The following TYW1 variants were observed in gnomAD, a reference collection of about 807,000 sequenced individuals.
TYW1 encodes the protein S-adenosyl-L-methionine-dependent tRNA 4-demethylwyosine synthase TYW1.
TYW1 carries 46 observed loss-of-function variants against 96.2 expected under a neutral mutation model. The observed-to-expected ratio is 0.48, with a 90% CI of 0.38 to 0.61. The LOEUF (loss-of-function observed/expected upper bound fraction) is 0.61, where lower values mean the gene tolerates loss of function less well. Ranked by LOEUF, TYW1 falls within the 20% of genes least tolerant of loss-of-function variation. The pLI is 0.00. For missense variants in TYW1, 684 were observed against 909.6 expected, an observed-to-expected ratio of 0.75 and a Z score of 3.19; for synonymous variants, 274 against 323.0, an observed-to-expected ratio of 0.85 and a Z score of 1.63.
chr7:67,009,773 T>C, intron 4 of TYW1, 89 bp downstream of exon 4: 1 of 1,151,020 alleles, frequency 8.7e-7, no homozygotes, highest in Non-Finnish European at 1.2e-6. Context: ...AACTAGAATC[T>C]TCAGAATAAA....
intron 10 of TYW1, among the ~76,000 whole-genome samples, chr7:67,072,891 T>G (rs1796071433): frequency 2.0e-5 from 3 of 150,950 alleles, no homozygotes. Flanking sequence ...TCTCAGCCAC[T>G]TGAGTAACTC....
At chr7:67,134,860 C>A (rs1204909651) in intron 13 of TYW1, among the ~76,000 whole-genome samples, 3 of 145,498 alleles carry the variant, frequency 2.1e-5, no homozygotes, top group African/African-American at 7.7e-5. Context: ...GTAATCCCAG[C>A]ACTTTGGGAG....
chr7:67,093,775 G>C (rs989409468), intron 11 of TYW1, among the ~76,000 whole-genome samples: 4 of 152,044 alleles, frequency 2.6e-5, no homozygotes, highest in Admixed American at 1.3e-4. Context: ...GACATCACCT[G>C]TCATGCTTAG....
chr7:67,234,179 T>G (rs1234976805), intron 15 of TYW1, among the ~76,000 whole-genome samples: 1 of 133,378 alleles, frequency 7.5e-6, no homozygotes, highest in Non-Finnish European at 1.6e-5. Flanking sequence ...AGACCCTTTC[T>G]CTACAGAAAA....
chr7:67,138,826 A>G (rs542097040), intron 13 of TYW1, among the ~76,000 whole-genome samples: 1 of 152,164 alleles, frequency 6.6e-6, no homozygotes, highest in South Asian at 2.1e-4. Flanking sequence ...TTTATGGGTG[A>G]ATAGTACTCC....
At chr7:67,158,868 C>T (rs1329823741) in intron 13 of TYW1, among the ~76,000 whole-genome samples, 1 of 152,108 alleles carries the variant, frequency 6.6e-6, no homozygotes. Flanking sequence ...ACTGCACCCG[C>T]CCTCTTTTCA....
At chr7:67,010,579 C>T (rs1357396373) in intron 4 of TYW1, among the ~76,000 whole-genome samples, 5 of 151,488 alleles carry the variant, frequency 3.3e-5, no homozygotes, top group African/African-American at 1.2e-4. Flanking sequence ...GGGTTCACGC[C>T]ATTCTCCTGC....
At chr7:67,214,905 T>C (rs1213819077) in intron 15 of TYW1, among the ~76,000 whole-genome samples, 1 of 151,822 alleles carries the variant, frequency 6.6e-6, no homozygotes. Flanking sequence ...TTTGATTTGC[T>C]AACATTTTAT....
chr7:67,016,980 ATTTT>A (rs35358824), intron 5 of TYW1, among the ~76,000 whole-genome samples: 2 of 121,762 alleles, frequency 1.6e-5, no homozygotes, highest in African/African-American at 6.3e-5. Context: ...AGATATGTAA[ATTTT>A]TTTTTTTTTT....
intron 12 of TYW1, among the ~76,000 whole-genome samples, chr7:67,100,908 A>G (rs1214254652): frequency 6.6e-6 from 1 of 151,482 alleles, no homozygotes; most frequent in Non-Finnish European, 1.5e-5. Flanking sequence ...AGGGCTGCTT[A>G]ACAGTTAACA....
intron 6 of TYW1, among the ~76,000 whole-genome samples, chr7:67,022,690 G>A (rs1200142803): frequency 6.6e-6 from 1 of 152,202 alleles, no homozygotes; most frequent in Non-Finnish European, 1.5e-5. Flanking sequence ...TGGGCATGAG[G>A]CTGGGATATC....
intron 14 of TYW1, among the ~76,000 whole-genome samples, chr7:67,183,550 G>A (rs1442846203): frequency 6.6e-6 from 1 of 152,178 alleles, no homozygotes; most frequent in African/African-American, 2.4e-5. Context: ...GTGTGGTGGT[G>A]AGTAATTGGT....
intron 15 of TYW1, among the ~76,000 whole-genome samples, chr7:67,235,249 A>G (rs1451192740): frequency 1.3e-5 from 2 of 152,190 alleles, no homozygotes; most frequent in South Asian, 2.1e-4. Context: ...GTACTCCCCA[A>G]GTGCCTTGTA....
intron 13 of TYW1, among the ~76,000 whole-genome samples, chr7:67,119,119 CTCCTTCCT>C (rs10591832): frequency 1.3e-5 from 2 of 149,994 alleles, no homozygotes; most frequent in East Asian, 2.0e-4. Flanking sequence ...TCCATTAATC[CTCCTTCCT>C]TCCTTCCTTC....
At chr7:67,202,987 G>A (rs997593181) in intron 15 of TYW1, among the ~76,000 whole-genome samples, 6 of 152,190 alleles carry the variant, frequency 3.9e-5, no homozygotes, top group Admixed American at 1.3e-4. Context: ...ACCTTATTCA[G>A]ATTTCACCAA....
rs201692947 is a variant in TYW1 at position 67,044,111 on chromosome 7, G to GTTT, written c.985-5821_985-5819dup. ...CATGTATAATTAAGCATGAATAAGA[G>GTTT]TTTTTTTTTTTTTTTTTTTGAGATG... On this transcript the variant is annotated intron_variant, in intron 7 of 15. Coordinates refer to ENST00000359626, the MANE Select transcript of TYW1 (RefSeq NM_018264.4). Among the ~76,000 whole-genome samples, 27 of 124,596 alleles carry GTTT rather than the reference G, an allele frequency of 2.2e-4. 1 individual carries two copies. Among genetic ancestry groups the GTTT allele is most frequent in the Non-Finnish European group, 3.5e-4 (21 of 59,624 alleles). 81.7% of individuals were successfully genotyped at this position (124,596 alleles called of 152,430 possible). A position where few individuals can be genotyped will look rare whatever the true frequency, so the allele number is the denominator to read the frequency against.
At chr7:67,175,388 C>G (rs1247641525) in intron 13 of TYW1, among the ~76,000 whole-genome samples, 2 of 152,108 alleles carry the variant, frequency 1.3e-5, no homozygotes, top group Non-Finnish European at 2.9e-5. Flanking sequence ...TGAGGCTGGT[C>G]TCGAACTCCC....
chr7:67,239,014 A>C lies in TYW1; in HGVS notation c.*485A>C, dbSNP rs1801980806. Reference sequence around the variant, plus strand: ...AGCTTGATCCCTTTCTTCTATCTTAAGACAGCACCTCCTGAAAAGAATCGA... The same window carrying C: ...AGCTTGATCCCTTTCTTCTATCTTACGACAGCACCTCCTGAAAAGAATCGA... On this transcript the variant is annotated 3_prime_UTR_variant, in exon 16 of 16. Coordinates refer to ENST00000359626, the MANE Select transcript of TYW1 (RefSeq NM_018264.4). 2.1e-5 allele frequency: 21 copies of C among 990,326 alleles called. No homozygotes were observed. In the South Asian group the frequency reaches 9.2e-4, roughly 43 times the overall value. 61.3% of individuals were successfully genotyped at this position (990,326 alleles called of 1,614,324 possible).
At position 67,108,414 on chromosome 7, in the gene TYW1, A is replaced by C. The variant is rs953330595; in HGVS notation, c.1563-9069A>C. 9.2e-5 allele frequency among the ~76,000 whole-genome samples: 14 copies of C among 151,950 alleles called. 1 individual carries two copies. The South Asian group carries it at 1.9e-3, about 20-fold the overall frequency. ...CTATATCACAGAAATAGAGCATTCC[A>C]ACCAGTAACTTTGGAATACAGATTT... On this transcript the variant is annotated intron_variant, in intron 12 of 15. Coordinates refer to ENST00000359626, the MANE Select transcript of TYW1 (RefSeq NM_018264.4).
Sources: gnomAD v4.1 joint callset for allele counts (sites outside exome capture counted in the v4.1 genomes callset) on GRCh38, gnomAD v4.1.1 for gene constraint, MANE v1.5 for transcripts, NCBI Gene and HGNC (gene_info 2026-07-23, HGNC 2026-07-21) for gene names.